The following GSE1 variants were observed in gnomAD, a reference collection of about 807,000 sequenced individuals.
The protein encoded by GSE1 is Gse1 coiled-coil protein.
GSE1 carries 32 observed loss-of-function variants against 112.6 expected under a neutral mutation model. The observed-to-expected ratio is 0.28, with a 90% CI of 0.21 to 0.38. The LOEUF is 0.38. GSE1 is among the 10% of genes least tolerant of loss of function. The pLI is 1.00. For synonymous variants in GSE1, 1,115 were observed against 735.6 expected, an observed-to-expected ratio of 1.52 and a Z score of -8.35; for missense variants, 2,348 against 1,699.2, an observed-to-expected ratio of 1.38 and a Z score of -6.71.
intron 2 of GSE1, among the ~76,000 whole-genome samples, chr16:85,502,549 GGCCTGAGCCAAGGCCTCC>G (rs2051405063): frequency 6.6e-6 from 1 of 152,238 alleles, no homozygotes; most frequent in African/African-American, 2.4e-5. Context: ...CGCTGGGCCA[GGCCTGAGCCAAGGCCTCC>G]ACCTGGTGGT....
At chr16:85,612,389 G>T (rs545371967), upstream of GSE1, among the ~76,000 whole-genome samples, 2 of 152,234 alleles carry the variant, frequency 1.3e-5, no homozygotes, top group African/African-American at 4.8e-5. Context: ...GAGGTAGGGT[G>T]GGGGGTGCCA....
upstream of GSE1, among the ~76,000 whole-genome samples, chr16:85,553,880 G>A (rs9673319): frequency 2.8e-3 from 421 of 152,354 alleles, 2 homozygotes; most frequent in African/African-American, 9.5e-3. Context: ...GCATTTAGCA[G>A]GGACCCCGGG....
intron 1 of GSE1, among the ~76,000 whole-genome samples, chr16:85,564,425 G>A (rs1162392628): frequency 6.6e-6 from 1 of 152,208 alleles, no homozygotes; most frequent in Non-Finnish European, 1.5e-5. Context: ...AGTAATCAGG[G>A]TGACAAGTAC....
At chr16:85,335,170 A>G (rs924197940) in intron 1 of GSE1, among the ~76,000 whole-genome samples, 3 of 152,150 alleles carry the variant, frequency 2.0e-5, no homozygotes, top group African/African-American at 4.8e-5. Context: ...CAGCCAGGGA[A>G]CCTCGGAGGG....
chr16:85,242,364 G>A (rs778360267), intron 1 of GSE1, among the ~76,000 whole-genome samples: 12 of 152,146 alleles, frequency 7.9e-5, no homozygotes, highest in Non-Finnish European at 1.5e-4. Context: ...CACCCTCCCC[G>A]CACCCCCATG....
chr16:85,564,375 C>T (rs1265441218), intron 1 of GSE1, among the ~76,000 whole-genome samples: 2 of 152,080 alleles, frequency 1.3e-5, no homozygotes, highest in African/African-American at 2.4e-5. Context: ...TCCCTGCCCA[C>T]GTTGTGGTGT....
intron 2 of GSE1, among the ~76,000 whole-genome samples, chr16:85,637,725 C>T (rs940797328): frequency 2.6e-4 from 39 of 151,006 alleles, no homozygotes; most frequent in African/African-American, 4.8e-4. Context: ...ACCCCTGCCC[C>T]GCAGGTGTAG....
At chr16:85,671,620 G>A (rs1367327315) in intron 15 of GSE1, among the ~76,000 whole-genome samples, 2 of 152,200 alleles carry the variant, frequency 1.3e-5, no homozygotes, top group South Asian at 2.1e-4. Flanking sequence ...GTCTCCTGAA[G>A]GGGTAAATTC....
intron 1 of GSE1, among the ~76,000 whole-genome samples, chr16:85,182,557 T>G (rs578243459): frequency 6.6e-6 from 1 of 152,204 alleles, no homozygotes; most frequent in Non-Finnish European, 1.5e-5. Flanking sequence ...GGTCTGGTTT[T>G]CTGAGCGCCC....
chr16:85,212,668 A>G (rs939385325), intron 1 of GSE1, among the ~76,000 whole-genome samples: 1 of 152,190 alleles, frequency 6.6e-6, no homozygotes, highest in African/African-American at 2.4e-5. Flanking sequence ...TAAGCCACCC[A>G]GCCTGTGGCA....
At chr16:85,439,534 TCACACACA>T (rs66487058) in intron 2 of GSE1, among the ~76,000 whole-genome samples, 2 of 149,880 alleles carry the variant, frequency 1.3e-5, no homozygotes, top group Admixed American at 6.6e-5. Flanking sequence ...ACACGGTCTG[TCACACACA>T]CACACACACA....
chr16:85,603,851 A>G (rs944613137), intron 1 of GSE1, among the ~76,000 whole-genome samples: 1 of 152,190 alleles, frequency 6.6e-6, no homozygotes, highest in African/African-American at 2.4e-5. Flanking sequence ...TGTAACATAC[A>G]ATTAGCCGTT....
At chr16:85,428,292 G>T (rs1470941669) in intron 2 of GSE1, among the ~76,000 whole-genome samples, 1 of 152,184 alleles carries the variant, frequency 6.6e-6, no homozygotes, top group Non-Finnish European at 1.5e-5. Context: ...ATTCCCTCGT[G>T]CCTTGGTGAG....
chr16:85,488,382 G>A (rs2151888289), intron 2 of GSE1, among the ~76,000 whole-genome samples: 1 of 152,320 alleles, frequency 6.6e-6, no homozygotes, highest in Non-Finnish European at 1.5e-5. Flanking sequence ...TCCCATCTGT[G>A]GTTGTCGCAC....
intron 3 of GSE1, among the ~76,000 whole-genome samples, chr16:85,652,939 A>T (rs573674113): frequency 6.6e-6 from 1 of 151,748 alleles, no homozygotes; most frequent in Non-Finnish European, 1.5e-5. Context: ...GTTACCTGAC[A>T]TGGCCAGATG....
intron 1 of GSE1, among the ~76,000 whole-genome samples, chr16:85,623,985 C>A (rs1049875532): frequency 1.3e-5 from 2 of 152,208 alleles, no homozygotes; most frequent in Non-Finnish European, 2.9e-5. Context: ...TAGGAGACGT[C>A]CTTGGATCCT....
chr16:85,440,121 G>C (rs1429959150), intron 2 of GSE1, among the ~76,000 whole-genome samples: 1 of 152,244 alleles, frequency 6.6e-6, no homozygotes, highest in Non-Finnish European at 1.5e-5. Context: ...CCAAGCATGG[G>C]GCTGGGTGTG....
intron 2 of GSE1, among the ~76,000 whole-genome samples, chr16:85,535,128 A>C (rs1323978787): frequency 6.6e-6 from 1 of 152,162 alleles, no homozygotes. Flanking sequence ...CCGGCCCCAA[A>C]GGGCTCCAGG....
chr16:85,594,545 A>ACATT (rs2047141247), intron 1 of GSE1: 1 of 152,238 alleles, frequency 6.6e-6, no homozygotes, highest in Admixed American at 6.5e-5. Flanking sequence ...ATACACGCAC[A>ACATT]CATTCATTCA....
Sources: allele counts gnomAD v4.1 joint callset (sites outside exome capture counted in the v4.1 genomes callset), GRCh38; gene constraint gnomAD v4.1.1; transcripts MANE v1.5; gene names NCBI Gene and HGNC (gene_info 2026-07-23, HGNC 2026-07-21).